The following PRDM13 variants were observed in gnomAD, a reference collection of about 807,000 sequenced individuals.
PRDM13 encodes PR/SET domain 13, also known as PR domain zinc finger protein 13.
Under a neutral mutation model 36.4 loss-of-function variants are expected in PRDM13, and 15 were observed. The ratio of observed to expected loss-of-function variants is 0.41; its 90% confidence interval spans 0.28 to 0.64. The LOEUF (loss-of-function observed/expected upper bound fraction) is 0.64, where lower values mean the gene tolerates loss of function less well. Among genes scored for constraint, PRDM13 ranks in the 30% least tolerant of loss-of-function variants. The pLI, the probability that PRDM13 is intolerant of heterozygous loss-of-function variation, is 0.29. For synonymous variants in PRDM13, 531 were observed against 467.7 expected (o/e 1.14, Z -1.75); for missense variants, 1,044 against 1,013.5 (o/e 1.03, Z -0.41).
Position 99,608,758 on chromosome 6 carries a change from G to A in PRDM13, c.162G>A (p.Gly54=). Residue 54 remains glycine (G), a synonymous_variant, in exon 2 of 4, where the codon GGG becomes GGA. Coordinates refer to ENST00000369215, the MANE Select transcript of PRDM13 (RefSeq NM_021620.4). ...TGTTGCAGGTGCGCATGGTGAGAGG[G>A]GAGCTGGTGGACGAGTCGGGGGGCT... ...GPKKKVRMVR[G]ELVDESGGSP... The A allele has an allele frequency of 1.2e-6, 2 of 1,610,692 alleles. No homozygotes were observed. The highest frequency in any genetic ancestry group is 1.7e-6 in the Non-Finnish European group (2 of 1,178,646).
At chr6:99,607,244 T>C (rs772145057) in intron 1 of PRDM13, 66 bp downstream of exon 1, 29 of 1,583,172 alleles carry the variant, frequency 1.8e-5, no homozygotes, top group Non-Finnish European at 2.4e-5. Context: ...GGGAAAGGGG[T>C]ACGAGAGAAA....
At chr6:99,608,007 G>A (rs749292694) in intron 1 of PRDM13, among the ~76,000 whole-genome samples, 2 of 152,244 alleles carry the variant, frequency 1.3e-5, no homozygotes, top group Non-Finnish European at 2.9e-5. Context: ...GAAGGCAGAA[G>A]TCTGGGGTAG....
In PRDM13 at chr6:99,608,610, A is replaced by G. The variant is rs879167234; in HGVS notation, c.145-131A>G. 6.6e-6 allele frequency: 8 copies of G among 1,207,226 alleles called. No homozygotes were observed. In the South Asian group the frequency reaches 1.2e-4, roughly 19 times the overall value. 74.8% of individuals were successfully genotyped at this position (1,207,226 alleles called of 1,614,324 possible). On this transcript the variant is annotated intron_variant, in intron 1 of 3. Transcript: ENST00000369215. ...CCTAAGGAATTCTCCTCCTCCCAGTAGCCCATAGTGGTCTGGCCAAACCAA... is the reference window on the plus strand; with the variant it reads ...CCTAAGGAATTCTCCTCCTCCCAGTGGCCCATAGTGGTCTGGCCAAACCAA...
intron 3 of PRDM13, among the ~76,000 whole-genome samples, chr6:99,612,592 G>T (rs1770047366): frequency 6.6e-6 from 1 of 152,230 alleles, no homozygotes; most frequent in Non-Finnish European, 1.5e-5. Flanking sequence ...ACGACCATTA[G>T]ATTGGTCTTT....
At chr6:99,608,011 G>A (rs1461557520) in intron 1 of PRDM13, among the ~76,000 whole-genome samples, 1 of 152,234 alleles carries the variant, frequency 6.6e-6, no homozygotes, top group African/African-American at 2.4e-5. Context: ...GCAGAAGTCT[G>A]GGGTAGAAGA....
In PRDM13 at chr6:99,613,337, G is replaced by A. The variant is rs1476375698; in HGVS notation, c.702G>A (p.Ala234=). ...REGIKREASS[A]PSATSPTPGK... is the part of the protein sequence containing the mutation. ...GCATCAAGCGCGAGGCCTCTTCCGC[G>A]CCCTCGGCCACCTCGCCGACCCCAG... The change falls in exon 4 of 4, where the codon GCG becomes GCA. Residue 234 remains alanine (A), a synonymous_variant. Coordinates refer to ENST00000369215, the MANE Select transcript of PRDM13 (RefSeq NM_021620.4). The surrounding 1 kb of genome is among the most constrained non-coding windows in gnomAD (Gnocchi z 6.1). 9.7e-6 allele frequency: 15 copies of A among 1,551,304 alleles called. No homozygotes were observed. The highest frequency in any genetic ancestry group is 9.6e-5 in the East Asian group (4 of 41,666).
rs757386010 is a variant in PRDM13 at position 99,613,197 on chromosome 6, C to T, written c.562C>T (p.Leu188Phe). 2 of 1,612,448 alleles carry T rather than the reference C, an allele frequency of 1.2e-6. No individual in the cohort carries two copies. Among genetic ancestry groups the T allele is most frequent in the East Asian group, 2.2e-5 (1 of 44,870 alleles). ...RQGAVPAADGLGLSPKPPAPD... is the reference protein window; with the variant it reads ...RQGAVPAADGFGLSPKPPAPD... ...AGGCGCCGTCCCAGCGGCTGATGGC[C>T]TCGGTCTCTCCCCAAAACCCCCGGC... Residue 188 changes from leucine (L) to phenylalanine (F), a missense_variant, in exon 4 of 4, where the codon CTC becomes TTC. By Grantham distance (22) the Leu-to-Phe change is conservative (BLOSUM62 0). This residue lies in a region of PRDM13 where 921 missense variants were observed against 865.2 expected (regional missense o/e 1.06). Coordinates refer to ENST00000369215, the MANE Select transcript of PRDM13 (RefSeq NM_021620.4). This position sits in a 1 kb window ranked among gnomAD's most constrained non-coding sequence, Gnocchi z 6.1.
Position 99,614,383 on chromosome 6 carries a change from C to T in PRDM13, c.1748C>T (p.Ser583Leu). Residue 583 changes from serine (S) to leucine (L), a missense_variant, in exon 4 of 4, where the codon TCG (serine) becomes TTG (leucine). By Grantham distance (145) the Ser-to-Leu change is moderately radical. This residue lies in a region of PRDM13 where 921 missense variants were observed against 865.2 expected (regional missense o/e 1.06). Transcript: ENST00000369215. ...HLCLYCGKLY[S>L]RKYGLKIHMR... ...TGCCTCTACTGTGGCAAGCTGTACT[C>T]GCGCAAGTATGGGCTCAAGATCCAC... 6.2e-7 allele frequency: 1 copy of T among 1,613,342 alleles called. No homozygotes were observed. Among genetic ancestry groups the T allele is most frequent in the Non-Finnish European group, 8.5e-7 (1 of 1,179,938 alleles).
Position 99,613,977 on chromosome 6 carries a change from C to T in PRDM13, c.1342C>T (p.Pro448Ser). The change falls in exon 4 of 4, where the codon CCG (proline) becomes TCG (serine). Residue 448 changes from proline (P) to serine (S), a missense_variant. Physicochemically the swap from Pro to Ser is moderately conservative, Grantham distance 74. Coordinates refer to ENST00000369215, the MANE Select transcript of PRDM13 (RefSeq NM_021620.4). The surrounding 1 kb of genome is among the most constrained non-coding windows in gnomAD (Gnocchi z 6.1). ...PLDPGGLKAY[P>S]GGECSHLPAV... ...CGACCCGGGCGGTCTCAAAGCCTAT[C>T]CGGGTGGTGAGTGCAGCCACCTGCC... 1 of 1,605,170 alleles carries T rather than the reference C, an allele frequency of 6.2e-7. No individual in the cohort carries two copies. Among genetic ancestry groups the T allele is most frequent in the Non-Finnish European group, 8.5e-7 (1 of 1,177,444 alleles).
At chr6:99,608,896 C>T (rs752161821) in intron 2 of PRDM13, 24 bp downstream of exon 2, 2 of 1,597,040 alleles carry the variant, frequency 1.3e-6, no homozygotes, top group East Asian at 2.2e-5. Flanking sequence ...CTCTCCACAC[C>T]CCCCCACTCC....
intron 1 of PRDM13, 106 bp downstream of exon 1, chr6:99,607,284 C>T: frequency 2.0e-6 from 3 of 1,464,766 alleles, no homozygotes; most frequent in Non-Finnish European, 2.8e-6. Context: ...GAGTCGTTAC[C>T]TGCTAATTCT....
Position 99,613,790 on chromosome 6 carries a change from C to A in PRDM13, c.1155C>A (p.Ala385=). Residue 385 remains alanine, a synonymous_variant, in exon 4 of 4, where the codon GCC becomes GCA. Coordinates refer to ENST00000369215, the MANE Select transcript of PRDM13 (RefSeq NM_021620.4). This position sits in a 1 kb window ranked among gnomAD's most constrained non-coding sequence, Gnocchi z 6.1. ...PPPPGLPCSG[A]LRGFPLLSVP... ...CGCCTGGCCTGCCCTGCTCTGGGGC[C>A]CTGCGCGGCTTCCCTCTGCTCTCCG... The A allele has an allele frequency of 6.6e-7, 1 of 1,507,888 alleles. No individual in the cohort carries two copies. Among genetic ancestry groups the A allele is most frequent in the Non-Finnish European group, 8.8e-7 (1 of 1,135,624 alleles). The allele number at this position is 1,507,888 out of a possible 1,614,324, so 93.4% of individuals were successfully genotyped here.
chr6:99,610,009 C>A (rs1389448036), intron 3 of PRDM13, among the ~76,000 whole-genome samples: 1 of 152,226 alleles, frequency 6.6e-6, no homozygotes, highest in East Asian at 1.9e-4. Context: ...ATGGACATTT[C>A]TTCTCCACTG....
Position 99,609,289 on chromosome 6 carries a change from C to CCGACTCA in PRDM13, c.384_390dup (p.Glu131SerfsTer19). ...GTTCGACATCCCCACCACAGCGACT[C>CCGACTCA]CGACTCACGACGAGAAAGGTACCCA... On this transcript the variant is annotated frameshift_variant, in exon 3 of 4. Transcript: ENST00000369215. LOFTEE classifies it low-confidence loss of function (END_TRUNC). 1 of 1,614,090 alleles carries CCGACTCA rather than the reference C, an allele frequency of 6.2e-7. No homozygotes were observed. Among genetic ancestry groups the CCGACTCA allele is most frequent in the Non-Finnish European group, 8.5e-7 (1 of 1,180,000 alleles).
chr6:99,613,379 C>A lies in PRDM13; in HGVS notation c.744C>A (p.Pro248=). 1 of 1,551,762 alleles carries A rather than the reference C, an allele frequency of 6.4e-7. No homozygotes were observed. The highest frequency in any genetic ancestry group is 2.4e-5 in the East Asian group (1 of 42,148). The change falls in exon 4 of 4, where the codon CCC becomes CCA. Residue 248 remains proline (P), a synonymous_variant. Coordinates refer to ENST00000369215, the MANE Select transcript of PRDM13 (RefSeq NM_021620.4). This position sits in a 1 kb window ranked among gnomAD's most constrained non-coding sequence, Gnocchi z 6.1. ...CGACCCCAGGCAAGTGGGGGCAGCC[C>A]AAGAAGGGCAAGGAGCAGCTGGACC... is the stretch of plus-strand genomic sequence containing the variant. ...TSPTPGKWGQ[P]KKGKEQLDRA...
Position 99,606,954 on chromosome 6 carries a change from A to C in PRDM13, c.-81A>C. On this transcript the variant is annotated 5_prime_UTR_variant, in exon 1 of 4. Coordinates refer to ENST00000369215, the MANE Select transcript of PRDM13 (RefSeq NM_021620.4). ...CACGTCGGGGCGCGGCTCTCTGGCT[A>C]GCGCGCAGCTCCAGCTCTGTCACTC... 1.4e-6 allele frequency: 2 copies of C among 1,439,770 alleles called. No homozygotes were observed. The highest frequency in any genetic ancestry group is 1.5e-5 in the South Asian group (1 of 68,912). The allele number at this position is 1,439,770 out of a possible 1,614,324, so 89.2% of individuals were successfully genotyped here.
Position 99,613,592 on chromosome 6 carries a change from G to C in PRDM13, c.957G>C (p.Lys319Asn), listed in dbSNP as rs748059753. 2.7e-6 allele frequency: 4 copies of C among 1,496,232 alleles called. No individual in the cohort carries two copies. Among genetic ancestry groups the C allele is most frequent in the Non-Finnish European group, 3.5e-6 (4 of 1,132,456 alleles). 92.7% of individuals were successfully genotyped at this position (1,496,232 alleles called of 1,614,324 possible). A position where few individuals can be genotyped will look rare whatever the true frequency, so the allele number is the denominator to read the frequency against. ...CCTACCGGGAGGAGAGCAGCAGCAA[G>C]CAAGGAGCCGGCCTCGCTTTGGGCA... ...GDPYREESSS[K>N]QGAGLALGRL... The change falls in exon 4 of 4, where the codon AAG becomes AAC. Residue 319 changes from lysine (K) to asparagine (N), a missense_variant. Lys to Asn is a moderately conservative substitution (Grantham distance 94). This residue lies in a region of PRDM13 where 921 missense variants were observed against 865.2 expected (regional missense o/e 1.06). Transcript: ENST00000369215. The surrounding 1 kb of genome is among the most constrained non-coding windows in gnomAD (Gnocchi z 6.1).
At chr6:99,612,987 C>T in intron 3 of PRDM13, 46 bp from the exon 4 acceptor site, 1 of 1,605,502 alleles carries the variant, frequency 6.2e-7, no homozygotes, top group Non-Finnish European at 8.5e-7. Context: ...TTATGTCTCG[C>T]TTGTTCGCCT....
intron 1 of PRDM13, 164 bp downstream of exon 1, chr6:99,607,342 A>C: frequency 9.1e-7 from 1 of 1,099,282 alleles, no homozygotes; most frequent in Non-Finnish European, 1.2e-6. Flanking sequence ...AGCCTCTTTA[A>C]CTGTGAGAGC....
Sources: allele counts gnomAD v4.1 joint callset (sites outside exome capture counted in the v4.1 genomes callset), GRCh38; gene constraint gnomAD v4.1.1; regional missense constraint gnomAD v4.1.1; non-coding constraint Gnocchi (gnomAD v3.1); transcripts MANE v1.5; gene names NCBI Gene and HGNC (gene_info 2026-07-23, HGNC 2026-07-21).